CSMD1: variants seen among roughly 807,000 people sequenced by gnomAD.
CSMD1 encodes CUB and Sushi multiple domains 1, also known as CUB and sushi domain-containing protein 1.
Under a neutral mutation model 417.5 loss-of-function variants are expected in CSMD1, and 213 were observed. That is an observed-to-expected ratio of 0.51 (90% CI 0.46 to 0.57). The LOEUF (loss-of-function observed/expected upper bound fraction) is 0.57. Among genes scored for constraint, CSMD1 ranks in the 20% least tolerant of loss-of-function variants. The pLI is 0.00. For synonymous variants in CSMD1, 2,862 were observed against 1,736.8 expected, an observed-to-expected ratio of 1.65 and a Z score of -16.11; for missense variants, 6,923 against 4,529.7, an observed-to-expected ratio of 1.53 and a Z score of -15.17.
intron 12 of CSMD1, among the ~76,000 whole-genome samples, chr8:3,459,605 A>G (rs1238421913): frequency 6.6e-6 from 1 of 152,142 alleles, no homozygotes; most frequent in African/African-American, 2.4e-5. Context: ...AACCAATAGC[A>G]GCAGAGCACC....
At chr8:3,926,283 C>A (rs908796946) in intron 5 of CSMD1, among the ~76,000 whole-genome samples, 1 of 152,188 alleles carries the variant, frequency 6.6e-6, no homozygotes, top group Non-Finnish European at 1.5e-5. Flanking sequence ...AACCAATACT[C>A]CCCTTGTGCC....
intron 20 of CSMD1, among the ~76,000 whole-genome samples, chr8:3,366,227 C>T (rs1227686431): frequency 6.6e-6 from 1 of 152,054 alleles, no homozygotes; most frequent in African/African-American, 2.4e-5. Flanking sequence ...TGCAGCAGGG[C>T]CCTTTCTGTT....
chr8:3,241,147 A>G (rs1419216891), intron 26 of CSMD1, among the ~76,000 whole-genome samples: 3 of 151,746 alleles, frequency 2.0e-5, no homozygotes, highest in Non-Finnish European at 2.9e-5. Context: ...TAGTCCAGGA[A>G]TAGTTAGGGA....
intron 12 of CSMD1, among the ~76,000 whole-genome samples, chr8:3,421,789 C>G (rs372365140): frequency 6.6e-6 from 1 of 152,324 alleles, no homozygotes; most frequent in East Asian, 1.9e-4. Context: ...AGGTGCATGA[C>G]ACCATGCCCA....
intron 41 of CSMD1, among the ~76,000 whole-genome samples, chr8:3,141,551 C>G (rs1322795058): frequency 1.3e-5 from 2 of 152,092 alleles, no homozygotes; most frequent in Non-Finnish European, 2.9e-5. Flanking sequence ...AAGTCTGAAC[C>G]TCCCCAAATT....
At chr8:4,391,471 C>G (rs1246435229) in intron 3 of CSMD1, among the ~76,000 whole-genome samples, 1 of 152,114 alleles carries the variant, frequency 6.6e-6, no homozygotes, top group Non-Finnish European at 1.5e-5. Context: ...TACATATGAA[C>G]ATAGAACTCT....
At chr8:3,324,159 C>T (rs998559089) in intron 23 of CSMD1, among the ~76,000 whole-genome samples, 10 of 119,354 alleles carry the variant, frequency 8.4e-5, no homozygotes, top group African/African-American at 2.2e-4. Flanking sequence ...CCCAGAGACT[C>T]GGGAGGGGGA....
chr8:3,051,600 GT>G (rs970497275), intron 50 of CSMD1, among the ~76,000 whole-genome samples: 10 of 151,556 alleles, frequency 6.6e-5, no homozygotes, highest in African/African-American at 1.9e-4. Context: ...CTAAAATAAA[GT>G]TTTTTTTTAA....
At chr8:4,081,732 A>G (rs971003777) in intron 3 of CSMD1, among the ~76,000 whole-genome samples, 1 of 152,228 alleles carries the variant, frequency 6.6e-6, no homozygotes, top group African/African-American at 2.4e-5. Context: ...CAAATTAGGA[A>G]AAGGTAACAA....
intron 5 of CSMD1, among the ~76,000 whole-genome samples, chr8:3,775,055 C>G (rs182114433): frequency 1.3e-5 from 2 of 152,222 alleles, no homozygotes; most frequent in East Asian, 1.9e-4. Flanking sequence ...GAATAGCATA[C>G]AATTTAAAAC....
chr8:4,088,973 G>T (rs1044155493), intron 3 of CSMD1, among the ~76,000 whole-genome samples: 1 of 151,960 alleles, frequency 6.6e-6, no homozygotes, highest in Non-Finnish European at 1.5e-5. Flanking sequence ...ACACACCCCT[G>T]TTCTGTGCTC....
intron 2 of CSMD1, among the ~76,000 whole-genome samples, chr8:4,491,338 G>C (rs1405089517): frequency 6.6e-6 from 1 of 152,160 alleles, no homozygotes; most frequent in African/African-American, 2.4e-5. Context: ...GGACAAGTCT[G>C]GGCGCACGTG....
intron 1 of CSMD1, among the ~76,000 whole-genome samples, chr8:4,932,443 G>A (rs1449898745): frequency 6.6e-6 from 1 of 152,016 alleles, no homozygotes; most frequent in Non-Finnish European, 1.5e-5. Flanking sequence ...AAATCTTTCT[G>A]CCAGTTTGTC....
chr8:4,978,504 C>G (rs774676259), intron 1 of CSMD1, among the ~76,000 whole-genome samples: 2 of 152,248 alleles, frequency 1.3e-5, no homozygotes, highest in East Asian at 1.9e-4. Flanking sequence ...CGCTCCTCAC[C>G]TTGAAAAAGC....
At chr8:4,636,462 G>A (rs1406013087) in intron 2 of CSMD1, among the ~76,000 whole-genome samples, 1 of 152,126 alleles carries the variant, frequency 6.6e-6, no homozygotes, top group Non-Finnish European at 1.5e-5. Flanking sequence ...CCTGAATGTT[G>A]TTCCCTCACC....
intron 5 of CSMD1, among the ~76,000 whole-genome samples, chr8:3,823,716 A>T (rs1801879739): frequency 6.6e-6 from 1 of 152,146 alleles, no homozygotes; most frequent in Non-Finnish European, 1.5e-5. Flanking sequence ...TTACGCTTGA[A>T]TCAAATAACC....
intron 5 of CSMD1, among the ~76,000 whole-genome samples, chr8:3,793,158 G>C (rs1799843710): frequency 6.6e-6 from 1 of 152,168 alleles, no homozygotes; most frequent in Admixed American, 6.5e-5. Flanking sequence ...TTACCACTTT[G>C]CAGAGGGGCT....
At chr8:4,269,867 T>G (rs549144796) in intron 3 of CSMD1, among the ~76,000 whole-genome samples, 4 of 152,194 alleles carry the variant, frequency 2.6e-5, no homozygotes, top group Non-Finnish European at 5.9e-5. Flanking sequence ...CTTGAAGTTA[T>G]TGCATCATTA....
intron 68 of CSMD1, among the ~76,000 whole-genome samples, chr8:2,944,502 C>A (rs747572399): frequency 6.6e-6 from 1 of 152,112 alleles, no homozygotes; most frequent in Non-Finnish European, 1.5e-5. Context: ...ATCTCAAGTG[C>A]TTACAACAAT....
Sources: gnomAD v4.1 joint callset for allele counts (sites outside exome capture counted in the v4.1 genomes callset) on GRCh38, gnomAD v4.1.1 for gene constraint, MANE v1.5 for transcripts, NCBI Gene and HGNC (gene_info 2026-07-23, HGNC 2026-07-21) for gene names.